The following GALNT8 variants were observed in gnomAD, a reference collection of about 807,000 sequenced individuals.
The protein encoded by GALNT8 is probable polypeptide N-acetylgalactosaminyltransferase 8.
Under a neutral mutation model 62.7 loss-of-function variants are expected in GALNT8, and 66 were observed. The observed-to-expected ratio is 1.05, with a 90% CI of 0.86 to 1.29. GALNT8 has a LOEUF of 1.29. Ranked by LOEUF, GALNT8 falls within the 50% of genes most tolerant of loss-of-function variation. The pLI, the probability that GALNT8 is intolerant of heterozygous loss-of-function variation, is 0.00. For missense variants in GALNT8, 771 were observed against 791.8 expected, an observed-to-expected ratio of 0.97 and a Z score of 0.32; for synonymous variants, 288 against 294.3, an observed-to-expected ratio of 0.98 and a Z score of 0.22.
rs763168250 is a variant in GALNT8 at position 4,765,428 on chromosome 12, C to T, written c.1643C>T (p.Ala548Val). Residue 548 changes from alanine (A) to valine (V), a missense_variant, in exon 10 of 11, where the codon GCA becomes GTA. Coordinates refer to ENST00000252318, the MANE Select transcript of GALNT8 (RefSeq NM_017417.2). ...GAGCTCTATGTGGGACAACTGATTG[C>T]AGAGGCCAGTGCTAGTGATCGCTGC... ...TGELYVGQLIAEASASDRCLT... is the reference protein window; with the variant it reads ...TGELYVGQLIVEASASDRCLT... 1 of 1,603,288 alleles carries T rather than the reference C, an allele frequency of 6.2e-7. No homozygotes were observed. Among genetic ancestry groups the T allele is most frequent in the East Asian group, 2.3e-5 (1 of 44,414 alleles).
chr12:4,770,042 T>C (rs1335708577), intron 10 of GALNT8, among the ~76,000 whole-genome samples: 3 of 152,156 alleles, frequency 2.0e-5, no homozygotes, highest in Non-Finnish European at 4.4e-5. Flanking sequence ...CTCACGCCTA[T>C]AACCCCAGCA....
At chr12:4,757,053 C>T (rs1184165967) in intron 6 of GALNT8, among the ~76,000 whole-genome samples, 1 of 152,190 alleles carries the variant, frequency 6.6e-6, no homozygotes, top group Non-Finnish European at 1.5e-5. Context: ...GGTAGTTCCT[C>T]CTGCGTTCAT....
In GALNT8 at chr12:4,726,563, AG is replaced by A; in HGVS notation, c.244del (p.Glu82LysfsTer3). ...GTATGAAATTAGCTCTGAGGCAACA[AG>A]AAAATGTGAACAGCACACTGAAGAG... is the stretch of plus-strand genomic sequence containing the variant. ...ESMKLALRQQ[E>X]NVNSTLKRAK... On this transcript the variant is annotated frameshift_variant, in exon 2 of 11. Transcript: ENST00000252318. LOFTEE classifies it high-confidence loss of function. This position sits in a 1 kb window ranked among gnomAD's most constrained non-coding sequence, Gnocchi z 4.1. 6.2e-7 allele frequency: 1 copy of A among 1,613,254 alleles called. No individual in the cohort carries two copies. The highest frequency in any genetic ancestry group is 1.7e-5 in the Admixed American group (1 of 59,956).
In GALNT8 at chr12:4,761,087, A is replaced by G. The variant is rs1946370255; in HGVS notation, c.1303A>G (p.Ile435Val). 1.2e-6 allele frequency: 2 copies of G among 1,614,020 alleles called. No individual in the cohort carries two copies. The highest frequency in any genetic ancestry group is 2.7e-5 in the African/African-American group (2 of 74,908). ...LKRNALRVAE[I>V]WMDEHKHMVY... Reference sequence around the variant, plus strand: ...GCGCAATGCTCTGCGAGTGGCCGAAATCTGGATGGATGAGCACAAACACAT... The same window carrying G: ...GCGCAATGCTCTGCGAGTGGCCGAAGTCTGGATGGATGAGCACAAACACAT... The change falls in exon 7 of 11, where the codon ATC (isoleucine) becomes GTC (valine). Residue 435 changes from isoleucine (I) to valine (V), a missense_variant. Physicochemically the swap from Ile to Val is conservative, Grantham distance 29. Coordinates refer to ENST00000252318, the MANE Select transcript of GALNT8 (RefSeq NM_017417.2).
intron 6 of GALNT8, among the ~76,000 whole-genome samples, chr12:4,747,465 A>G (rs1946305060): frequency 6.6e-6 from 1 of 152,212 alleles, no homozygotes; most frequent in African/African-American, 2.4e-5. Context: ...TAAGTGAGAA[A>G]TACAGTGTTT....
intron 3 of GALNT8, 84 bp downstream of exon 3, chr12:4,739,413 T>C (rs1178762172): frequency 9.4e-6 from 10 of 1,060,960 alleles, no homozygotes; most frequent in Non-Finnish European, 1.3e-5. Context: ...GCTTAGAGTT[T>C]AGGACACCTT....
intron 6 of GALNT8, among the ~76,000 whole-genome samples, chr12:4,754,658 G>T (rs552517845): frequency 1.1e-4 from 16 of 152,104 alleles, no homozygotes; most frequent in Admixed American, 3.9e-4. Flanking sequence ...CTGGAATCAG[G>T]GACCCCCAAG....
In GALNT8 at chr12:4,739,326, A is replaced by G. The variant is rs1438632244; in HGVS notation, c.673A>G (p.Asn225Asp). The change falls in exon 3 of 11, where the codon AAT (asparagine) becomes GAT (aspartate). Residue 225 changes from asparagine to aspartate, a missense_variant. Asn to Asp is a conservative substitution (Grantham distance 23, BLOSUM62 1). Transcript: ENST00000252318. ...CATCTTGGTGGATGATTTCAGCTCA[A>G]ATGGTGAGCAACGTGATCAAAGAAT... ...EIILVDDFSS[N>D]GELKVHLDEK... 1.2e-6 allele frequency: 2 copies of G among 1,611,370 alleles called. No homozygotes were observed. Among genetic ancestry groups the G allele is most frequent in the African/African-American group, 1.3e-5 (1 of 74,946 alleles).
intron 4 of GALNT8, among the ~76,000 whole-genome samples, chr12:4,745,025 C>T (rs1029176222): frequency 4.6e-5 from 7 of 152,024 alleles, no homozygotes; most frequent in Non-Finnish European, 7.4e-5. Context: ...AGGTTTTTCC[C>T]CAGCCATGAA....
intron 10 of GALNT8, among the ~76,000 whole-genome samples, chr12:4,766,357 A>G (rs1189903387): frequency 5.3e-5 from 8 of 152,156 alleles, no homozygotes; most frequent in Admixed American, 4.6e-4. Flanking sequence ...GGAGATGATA[A>G]TATCTTCTGT....
intron 1 of GALNT8, among the ~76,000 whole-genome samples, chr12:4,722,434 C>G (rs1946175245): frequency 6.6e-6 from 1 of 152,164 alleles, no homozygotes; most frequent in Admixed American, 6.5e-5. Flanking sequence ...TAGTTATCAA[C>G]CTGACCTAAT....
At position 4,746,240 on chromosome 12, in the gene GALNT8, C is replaced by A; in HGVS notation, c.1155C>A (p.Asn385Lys). 6.3e-7 allele frequency: 1 copy of A among 1,599,654 alleles called. No individual in the cohort carries two copies. The stretch of plus-strand genomic sequence containing the variant: ...GAATGCTCATCTATGGAGGAGAGAA[C>A]GTGGAGCTTAGCCTGAGGGTGGGTA... ...DGGMLIYGGE[N>K]VELSLRVWQC... The change falls in exon 6 of 11, where the codon AAC becomes AAA. Residue 385 changes from asparagine to lysine, a missense_variant. Coordinates refer to ENST00000252318, the MANE Select transcript of GALNT8 (RefSeq NM_017417.2).
At chr12:4,746,753 T>C (rs533380388) in intron 6 of GALNT8, among the ~76,000 whole-genome samples, 77 of 152,226 alleles carry the variant, frequency 5.1e-4, no homozygotes, top group African/African-American at 1.7e-3. Context: ...TTTTTATCAT[T>C]ATATAACTGA....
At chr12:4,768,407 T>C (rs758010997) in intron 10 of GALNT8, 2 of 382,674 alleles carry the variant, frequency 5.2e-6, no homozygotes, top group African/African-American at 2.1e-5. Flanking sequence ...TTTTTTCATA[T>C]CTTTTTTTTG....
At position 4,720,863 on chromosome 12, in the gene GALNT8, C is replaced by G. The variant is rs1201465608; in HGVS notation, c.186C>G (p.His62Gln). The G allele has an allele frequency of 1.9e-6, 3 of 1,603,658 alleles. No individual in the cohort carries two copies. Among genetic ancestry groups the G allele is most frequent in the Non-Finnish European group, 2.6e-6 (3 of 1,170,760 alleles). The part of the protein sequence containing the change: ...RYGAVIKRLS[H>Q]LEVELQDLKE... ...GGGCAGTGATAAAGAGACTCTCCCACTTGGAGGTGGAATTGCAGGATCTGA... is the reference window on the plus strand; with the variant it reads ...GGGCAGTGATAAAGAGACTCTCCCAGTTGGAGGTGGAATTGCAGGATCTGA... Residue 62 changes from histidine to glutamine, a missense_variant, in exon 1 of 11, where the codon CAC becomes CAG. His to Gln is a conservative substitution (Grantham distance 24). Coordinates refer to ENST00000252318, the MANE Select transcript of GALNT8 (RefSeq NM_017417.2).
intron 10 of GALNT8, among the ~76,000 whole-genome samples, chr12:4,770,283 CAG>C (rs1946417219): frequency 6.8e-6 from 1 of 147,340 alleles, no homozygotes; most frequent in African/African-American, 2.5e-5. Flanking sequence ...TCCTGGACAA[CAG>C]AGCGAGACTG....
chr12:4,761,884 G>T (rs537657742), intron 7 of GALNT8, among the ~76,000 whole-genome samples: 1 of 152,132 alleles, frequency 6.6e-6, no homozygotes, highest in African/African-American at 2.4e-5. Flanking sequence ...TCCCTCCATC[G>T]TAGTGGGTTC....
Position 4,772,520 on chromosome 12 carries a change from G to T in GALNT8, c.1837G>T (p.Val613Leu). The T allele has an allele frequency of 1.9e-6, 3 of 1,613,918 alleles. No individual in the cohort carries two copies. Among genetic ancestry groups the T allele is most frequent in the Non-Finnish European group, 2.5e-6 (3 of 1,179,774 alleles). ...GGATCTTTTGGGTAGCCACGTGCTT[G>T]TGCTCCAGACCTGTAGCACGCAAGT... is the stretch of plus-strand genomic sequence containing the variant. ...KKDLLGSHVL[V>L]LQTCSTQVWE... The change falls in exon 11 of 11, where the codon GTG becomes TTG. Residue 613 changes from valine (V) to leucine (L), a missense_variant. Val to Leu is a conservative substitution (Grantham distance 32, BLOSUM62 1). Coordinates refer to ENST00000252318, the MANE Select transcript of GALNT8 (RefSeq NM_017417.2).
chr12:4,770,119 T>G (rs912827859), intron 10 of GALNT8, among the ~76,000 whole-genome samples: 7 of 151,868 alleles, frequency 4.6e-5, no homozygotes, highest in Non-Finnish European at 1.0e-4. Flanking sequence ...CTGGCCAACA[T>G]GGTGAAATCC....
Sources: allele counts gnomAD v4.1 joint callset (sites outside exome capture counted in the v4.1 genomes callset), GRCh38; gene constraint gnomAD v4.1.1; non-coding constraint Gnocchi (gnomAD v3.1); transcripts MANE v1.5; gene names NCBI Gene and HGNC (gene_info 2026-07-23, HGNC 2026-07-21).